OXR1: variants seen among roughly 807,000 people sequenced by gnomAD.
OXR1 encodes oxidation resistance protein 1.
In OXR1, 41 loss-of-function variants were observed where a neutral mutation model predicts 104.6. The observed-to-expected ratio is 0.39, with a 90% CI of 0.31 to 0.51. The LOEUF is 0.51. Ranked by LOEUF, OXR1 falls within the 20% of genes least tolerant of loss-of-function variation. The pLI is 0.77. For synonymous variants in OXR1, 348 were observed against 348.4 expected (o/e 1.00, Z 0.01); for missense variants, 955 against 1,031.9 (o/e 0.93, Z 1.02).
At chr8:106,405,239 G>GTATATATA (rs1554634713) in intron 2 of OXR1, among the ~76,000 whole-genome samples, 1 of 133,054 alleles carries the variant, frequency 7.5e-6, no homozygotes, top group African/African-American at 2.9e-5. Flanking sequence ...GTGTGTGTGT[G>GTATATATA]TATAGGCTCA....
chr8:106,716,877 A>G (rs903302220), intron 11 of OXR1, among the ~76,000 whole-genome samples: 1 of 152,154 alleles, frequency 6.6e-6, no homozygotes, highest in African/African-American at 2.4e-5. Context: ...GTGCAGGTCT[A>G]TGCCTCATGG....
chr8:106,470,140 C>T (rs1821409111), intron 2 of OXR1, among the ~76,000 whole-genome samples: 1 of 151,696 alleles, frequency 6.6e-6, no homozygotes, highest in Non-Finnish European at 1.5e-5. Context: ...TCGTGATTGG[C>T]CTGTAGGCTC....
chr8:106,502,510 C>T (rs1811878710), intron 2 of OXR1, among the ~76,000 whole-genome samples: 1 of 152,176 alleles, frequency 6.6e-6, no homozygotes, highest in Admixed American at 6.5e-5. Flanking sequence ...ATTTTTACCT[C>T]TCCATAGCAA....
At chr8:106,442,099 G>GT (rs1474594292) in intron 2 of OXR1, among the ~76,000 whole-genome samples, 2 of 152,124 alleles carry the variant, frequency 1.3e-5, no homozygotes, top group Non-Finnish European at 2.9e-5. Context: ...TAAATACCTA[G>GT]TTTCTTGAGA....
chr8:106,674,791 T>C (rs1188654473), intron 3 of OXR1, among the ~76,000 whole-genome samples: 2 of 152,120 alleles, frequency 1.3e-5, no homozygotes, highest in African/African-American at 2.4e-5. Context: ...TATAAGTGTT[T>C]GGTAGTTCCT....
intron 3 of OXR1, among the ~76,000 whole-genome samples, chr8:106,654,321 C>T (rs1050850442): frequency 4.6e-5 from 7 of 152,116 alleles, no homozygotes; most frequent in Middle Eastern, 3.4e-3. Context: ...CTACAGTAAT[C>T]GAGATAGCAT....
intron 4 of OXR1, chr8:106,682,611 G>A (rs1298415235): frequency 6.5e-6 from 1 of 154,166 alleles, no homozygotes; most frequent in African/African-American, 2.4e-5. Flanking sequence ...GGGACTTTAA[G>A]TGGTTATATT....
At chr8:106,521,340 T>C (rs1345884491) in intron 3 of OXR1, among the ~76,000 whole-genome samples, 1 of 152,148 alleles carries the variant, frequency 6.6e-6, no homozygotes, top group Non-Finnish European at 1.5e-5. Context: ...CTTGGACAGG[T>C]AAGTGTTACA....
rs762110133 is a variant in OXR1 at position 106,712,413 on chromosome 8, A to G, written c.1794-1410A>G. ...GCATATCCCATTGTAAATTCTGAGT[A>G]GGTGAAGATATGCCCTTCTTTTATA... On this transcript the variant is annotated intron_variant, in intron 10 of 16. Transcript: ENST00000517566. 3.3e-5 allele frequency among the ~76,000 whole-genome samples: 5 copies of G among 152,206 alleles called. No homozygotes were observed. In the Middle Eastern group the frequency reaches 0.01, roughly 311 times the overall value.
rs1368573953 is a variant in OXR1, at chr8:106,692,735, A to G, written c.533A>G (p.Asp178Gly). The change falls in exon 7 of 17, where the codon GAT (aspartate) becomes GGT (glycine). Residue 178 changes from aspartate to glycine, a missense_variant. This residue lies in a region of OXR1 where 849 missense variants were observed against 852.9 expected (regional missense o/e 1.00). Coordinates refer to ENST00000517566, the MANE Select transcript of OXR1 (RefSeq NM_001198533.2). Reference protein sequence around the residue: ...EAEFDKTTNPDVHPTEATPSS... With the variant: ...EAEFDKTTNPGVHPTEATPSS... ...TTTAAAAAAAAAAAAAAGAATCCTG[A>G]TGTCCATCCAACAGAAGCAACTCCC... 2.2e-6 allele frequency: 3 copies of G among 1,386,388 alleles called. No individual in the cohort carries two copies. The highest frequency in any genetic ancestry group is 1.9e-6 in the Non-Finnish European group (2 of 1,040,688). 85.9% of individuals were successfully genotyped at this position (1,386,388 alleles called of 1,614,324 possible).
intron 1 of OXR1, among the ~76,000 whole-genome samples, chr8:106,309,823 ATT>A (rs1813623538): frequency 6.6e-6 from 1 of 151,080 alleles, no homozygotes; most frequent in Non-Finnish European, 1.5e-5. Context: ...ACATATATAT[ATT>A]TGTCCACATA....
chr8:106,617,438 G>C (rs539737790), intron 3 of OXR1, among the ~76,000 whole-genome samples: 1 of 151,708 alleles, frequency 6.6e-6, no homozygotes, highest in African/African-American at 2.4e-5. Flanking sequence ...CAAAAAAAAA[G>C]GGGGGTGGGT....
intron 3 of OXR1, among the ~76,000 whole-genome samples, chr8:106,621,304 A>C (rs1821678064): frequency 6.6e-6 from 1 of 152,098 alleles, no homozygotes; most frequent in Non-Finnish European, 1.5e-5. Context: ...ATTCAAAACT[A>C]ACTGGGCGTG....
chr8:106,655,572 G>C (rs1050792381), intron 3 of OXR1, among the ~76,000 whole-genome samples: 1 of 152,104 alleles, frequency 6.6e-6, no homozygotes, highest in Non-Finnish European at 1.5e-5. Flanking sequence ...ACTTGATGTA[G>C]ATTGAAGAGA....
At chr8:106,335,158 T>G (rs1450993316) in intron 1 of OXR1, among the ~76,000 whole-genome samples, 1 of 152,118 alleles carries the variant, frequency 6.6e-6, no homozygotes, top group African/African-American at 2.4e-5. Flanking sequence ...CTGAAACACT[T>G]TTATTTTCTC....
chr8:106,608,951 TA>T (rs1352109914), intron 3 of OXR1, among the ~76,000 whole-genome samples: 1 of 152,192 alleles, frequency 6.6e-6, no homozygotes, highest in East Asian at 1.9e-4. Flanking sequence ...TGAATTCTGC[TA>T]CTCCTTAAAG....
chr8:106,711,542 T>C (rs755252321), intron 10 of OXR1, among the ~76,000 whole-genome samples: 4 of 152,292 alleles, frequency 2.6e-5, no homozygotes, highest in South Asian at 4.1e-4. Flanking sequence ...TATCTGTGTG[T>C]GTATATTGAA....
intron 2 of OXR1, among the ~76,000 whole-genome samples, chr8:106,503,809 GC>G (rs1333606824): frequency 4.6e-5 from 7 of 152,152 alleles, no homozygotes; most frequent in African/African-American, 1.7e-4. Flanking sequence ...GAACTGTCCT[GC>G]AAGAATCTTA....
In OXR1 at chr8:106,468,531, T is replaced by C. The variant is rs1286491748; in HGVS notation, c.24-50412T>C. Among the ~76,000 whole-genome samples the C allele has an allele frequency of 2.0e-5, 3 of 151,768 alleles. No individual in the cohort carries two copies. The East Asian group carries it at 5.8e-4, about 29-fold the overall frequency. The stretch of plus-strand genomic sequence containing the variant: ...GTATGTTTGAAGGAGAACAAGTATG[T>C]CAACGTGGTGGAAAGAGAGTGAACA... On this transcript the variant is annotated intron_variant, in intron 2 of 16. Transcript: ENST00000517566.
Sources: gnomAD v4.1 joint callset for allele counts (sites outside exome capture counted in the v4.1 genomes callset) on GRCh38, gnomAD v4.1.1 for gene constraint, gnomAD v4.1.1 regional missense constraint, MANE v1.5 for transcripts, NCBI Gene and HGNC (gene_info 2026-07-23, HGNC 2026-07-21) for gene names.